The following TROAP variants were observed in gnomAD, a reference collection of about 807,000 sequenced individuals.
The protein encoded by TROAP is tastin.
In TROAP, 62 loss-of-function variants were observed where a neutral mutation model predicts 83.4. That is an observed-to-expected ratio of 0.74 (90% CI 0.61 to 0.92). The LOEUF (loss-of-function observed/expected upper bound fraction) is 0.92, where lower values mean the gene tolerates loss of function less well. Ranked by LOEUF, TROAP falls within the 40% of genes least tolerant of loss-of-function variation. The pLI, the probability that TROAP is intolerant of heterozygous loss-of-function variation, is 0.00. For missense variants in TROAP, 876 were observed against 985.1 expected (o/e 0.89, Z 1.48); for synonymous variants, 352 against 386.4 (o/e 0.91, Z 1.04).
chr12:49,324,122 C>G, intron 3 of TROAP, 85 bp downstream of exon 3: 5 of 1,613,942 alleles, frequency 3.1e-6, no homozygotes, highest in Non-Finnish European at 4.2e-6. Context: ...GGGTTTTGCA[C>G]TCACTCCTGC....
At chr12:49,330,984 C>T (rs1205290419) in intron 13 of TROAP, 41 bp downstream of exon 13, 2 of 1,601,878 alleles carry the variant, frequency 1.2e-6, no homozygotes, top group Non-Finnish European at 1.7e-6. Flanking sequence ...ACAAGAGGTC[C>T]TCACCTCACT....
At chr12:49,324,101 G>GTGGGGTTT (rs772139642) in intron 3 of TROAP, 64 bp downstream of exon 3, 45 of 1,613,384 alleles carry the variant, frequency 2.8e-5, no homozygotes, top group African/African-American at 4.0e-5. Flanking sequence ...AAGGGTAAAA[G>GTGGGGTTT]TGGGGTTTTG....
Position 49,330,722 on chromosome 12 carries a change from C to T in TROAP, c.1877C>T (p.Thr626Ile), listed in dbSNP as rs769368829. 12 of 1,613,954 alleles carry T rather than the reference C, an allele frequency of 7.4e-6. No homozygotes were observed. Among genetic ancestry groups the T allele is most frequent in the African/African-American group, 5.3e-5 (4 of 74,890 alleles). ...PAEPGPLQPS[T>I]QGQSGPPGPC... ...GAACCCGGGCCCCTTCAGCCCAGCACCCAGGGGCAGTCTGGACCCCCAGGG... is the reference window on the plus strand; with the variant it reads ...GAACCCGGGCCCCTTCAGCCCAGCATCCAGGGGCAGTCTGGACCCCCAGGG... The change falls in exon 13 of 15, where the codon ACC becomes ATC. Residue 626 changes from threonine to isoleucine, a missense_variant. Coordinates refer to ENST00000257909, the MANE Select transcript of TROAP (RefSeq NM_005480.4).
In TROAP at chr12:49,323,977, G is replaced by A. The variant is rs763938725; in HGVS notation, c.277G>A (p.Glu93Lys). The A allele has an allele frequency of 6.2e-7, 1 of 1,614,220 alleles. No individual in the cohort carries two copies. Among genetic ancestry groups the A allele is most frequent in the South Asian group, 1.1e-5 (1 of 91,088 alleles). ...VGISQPRNPL[E>K]ELRPSPRGQN... ...GATCAGTCAGCCTCGGAACCCCTTG[G>A]AAGAGCTCAGGCCTAGCCCTAGGGG... is the stretch of plus-strand genomic sequence containing the variant. Residue 93 changes from glutamate to lysine, a missense_variant, in exon 3 of 15, where the codon GAA becomes AAA. Around this residue, in one of 3 missense-constraint regions of TROAP, gnomAD observed 689 missense variants for 722.6 expected, o/e 0.95. Coordinates refer to ENST00000257909, the MANE Select transcript of TROAP (RefSeq NM_005480.4).
rs1299018422 is a variant in TROAP, at chr12:49,323,649, G to T, written c.41G>T (p.Gly14Val). 1 of 1,614,086 alleles carries T rather than the reference G, an allele frequency of 6.2e-7. No individual in the cohort carries two copies. The highest frequency in any genetic ancestry group is 8.5e-7 in the Non-Finnish European group (1 of 1,180,008). ...RQATKDPLLR[G>V]VSPTPSKIPV... ...GCCACGAAGGATCCCCTCCTCCGGG[G>T]TGTATCTCCTACCCCTAGCAAGATT... The change falls in exon 2 of 15, where the codon GGT becomes GTT. Residue 14 changes from glycine to valine, a missense_variant. By Grantham distance (109) the Gly-to-Val change is moderately radical (BLOSUM62 -3). Transcript: ENST00000257909.
chr12:49,324,354 T>C (rs147467203), intron 3 of TROAP: 1 of 554,668 alleles, frequency 1.8e-6, no homozygotes, highest in Admixed American at 3.3e-5. Context: ...AAAAAATAAA[T>C]AAATAAATAA....
In TROAP at chr12:49,329,644, A is replaced by G; in HGVS notation, c.1164+190A>G. On this transcript the variant is annotated intron_variant, in intron 11 of 14. Transcript: ENST00000257909. The surrounding 1 kb of genome is among the most constrained non-coding windows in gnomAD (Gnocchi z 4.5). Reference sequence around the variant, plus strand: ...TCTTTGAGACCAGCCTGGGCAACATAGTGAGACCCTGTCTCCACTAAAATT... The same window carrying G: ...TCTTTGAGACCAGCCTGGGCAACATGGTGAGACCCTGTCTCCACTAAAATT... 2.1e-6 allele frequency: 2 copies of G among 969,766 alleles called. No homozygotes were observed. The highest frequency in any genetic ancestry group is 3.1e-6 in the Non-Finnish European group (2 of 650,704). The allele number at this position is 969,766 out of a possible 1,614,324, so 60.1% of individuals were successfully genotyped here.
At chr12:49,326,281 G>A (rs1943500108) in intron 6 of TROAP, 123 bp downstream of exon 6, 1 of 968,666 alleles carries the variant, frequency 1.0e-6, no homozygotes, top group Non-Finnish European at 1.6e-6. Flanking sequence ...CTCAGGAGGG[G>A]AAGCAAGAAA....
intron 8 of TROAP, 136 bp from the exon 9 acceptor site, chr12:49,328,791 G>A (rs1943536601): frequency 8.2e-7 from 1 of 1,224,754 alleles, no homozygotes. Flanking sequence ...GTGAACCCGG[G>A]ATGCGGAGCT....
chr12:49,325,153 A>G (rs1433050989), intron 3 of TROAP, among the ~76,000 whole-genome samples: 2 of 151,724 alleles, frequency 1.3e-5, no homozygotes, highest in Non-Finnish European at 2.9e-5. Context: ...TCCTGACCTC[A>G]GGTGATCCAC....
At chr12:49,323,512 G>A (rs1480547478) in intron 1 of TROAP, 92 bp from the exon 2 acceptor site, 1 of 1,516,774 alleles carries the variant, frequency 6.6e-7, no homozygotes, top group Non-Finnish European at 8.9e-7. Context: ...GGATTAGGGC[G>A]GAGGTATCAG....
rs780105914 is a variant in TROAP at position 49,323,884 on chromosome 12, C to T, written c.184C>T (p.Leu62Phe). ...QKPPLNIQRP[L>F]VDSAGPRPKA... ...ACCACCGCTCAATATTCAACGCCCC[C>T]TCGTTGATTCAGCAGGCCCCAGGCC... Residue 62 changes from leucine to phenylalanine, a missense_variant, in exon 3 of 15, where the codon CTC becomes TTC. Physicochemically the swap from Leu to Phe is conservative, Grantham distance 22. This residue lies in a region of TROAP where 689 missense variants were observed against 722.6 expected (regional missense o/e 0.95). Coordinates refer to ENST00000257909, the MANE Select transcript of TROAP (RefSeq NM_005480.4). The T allele has an allele frequency of 1.2e-6, 2 of 1,613,960 alleles. No homozygotes were observed. The highest frequency in any genetic ancestry group is 1.7e-5 in the Admixed American group (1 of 60,012).
intron 7 of TROAP, among the ~76,000 whole-genome samples, chr12:49,326,997 C>T (rs1027814520): frequency 6.6e-6 from 1 of 152,184 alleles, no homozygotes; most frequent in Non-Finnish European, 1.5e-5. Context: ...CCCTAAGTGC[C>T]ATCACCACAT....
At position 49,329,568 on chromosome 12, in the gene TROAP, G is replaced by A; in HGVS notation, c.1164+114G>A. 1 of 1,273,400 alleles carries A rather than the reference G, an allele frequency of 7.9e-7. No individual in the cohort carries two copies. Among genetic ancestry groups the A allele is most frequent in the Non-Finnish European group, 1.1e-6 (1 of 915,130 alleles). The allele number at this position is 1,273,400 out of a possible 1,614,324, so 78.9% of individuals were successfully genotyped here. A position where few individuals can be genotyped will look rare whatever the true frequency, so the allele number is the denominator to read the frequency against. ...GGGCCAGGCATGGTGGCTCACACCT[G>A]TAATCCCAGCACTTTGGGAGGCTGA... On this transcript the variant is annotated intron_variant, in intron 11 of 14. Transcript: ENST00000257909. The surrounding 1 kb of genome is among the most constrained non-coding windows in gnomAD (Gnocchi z 4.5).
At chr12:49,328,786 C>T (rs1943536472) in intron 8 of TROAP, 141 bp from the exon 9 acceptor site, 3 of 1,189,896 alleles carry the variant, frequency 2.5e-6, no homozygotes, top group East Asian at 2.7e-5. Context: ...ATGGTGTGAA[C>T]CCGGGATGCG....
chr12:49,323,580 C>G, intron 1 of TROAP, 24 bp from the exon 2 acceptor site: 1 of 1,608,566 alleles, frequency 6.2e-7, no homozygotes, highest in Non-Finnish European at 8.5e-7. Flanking sequence ...ATTCTGCCTG[C>G]CTTCTTCCCC....
chr12:49,328,513 A>G (rs1169016078), intron 8 of TROAP, among the ~76,000 whole-genome samples: 1 of 151,862 alleles, frequency 6.6e-6, no homozygotes, highest in East Asian at 2.0e-4. Context: ...CTGAGCCACC[A>G]TGCCCGGCTT....
rs1390392640 is a variant in TROAP, at chr12:49,326,107, C to T, written c.665C>T (p.Ser222Phe). ...CCTTCAGGACCTTCCTTTCACCCTT[C>T]CACTCGCCCCAGTTTCCAGGAGCTA... The part of the protein sequence containing the change: ...ISPSGPSFHP[S>F]TRPSFQELRR... Residue 222 changes from serine to phenylalanine, a missense_variant, in exon 6 of 15, where the codon TCC (serine) becomes TTC (phenylalanine). Around this residue, in one of 3 missense-constraint regions of TROAP, gnomAD observed 689 missense variants for 722.6 expected, o/e 0.95. Coordinates refer to ENST00000257909, the MANE Select transcript of TROAP (RefSeq NM_005480.4). The T allele has an allele frequency of 1.9e-6, 3 of 1,613,866 alleles. No homozygotes were observed. The highest frequency in any genetic ancestry group is 2.5e-6 in the Non-Finnish European group (3 of 1,180,040).
chr12:49,327,548 A>G (rs1943519884), intron 8 of TROAP, among the ~76,000 whole-genome samples: 1 of 152,136 alleles, frequency 6.6e-6, no homozygotes, highest in Non-Finnish European at 1.5e-5. Context: ...GAGAGGTCAT[A>G]TTTGTATCAC....
Sources: allele counts gnomAD v4.1 joint callset (sites outside exome capture counted in the v4.1 genomes callset), GRCh38; gene constraint gnomAD v4.1.1; regional missense constraint gnomAD v4.1.1; non-coding constraint Gnocchi (gnomAD v3.1); transcripts MANE v1.5; gene names NCBI Gene and HGNC (gene_info 2026-07-23, HGNC 2026-07-21).